Variants in MAP3K13 observed in about 807,000 individuals in gnomAD.
MAP3K13 encodes the protein leucine zipper-bearing kinase.
In MAP3K13, 52 loss-of-function variants were observed where a neutral mutation model predicts 104.0. The ratio of observed to expected loss-of-function variants is 0.50; its 90% confidence interval spans 0.40 to 0.63. The LOEUF (loss-of-function observed/expected upper bound fraction) is 0.63. Among genes scored for constraint, MAP3K13 ranks in the 20% least tolerant of loss-of-function variants. The pLI is 0.00. For missense variants in MAP3K13, 914 were observed against 1,218.5 expected (o/e 0.75, Z 3.72); for synonymous variants, 394 against 442.2 (o/e 0.89, Z 1.37).
At chr3:185,394,724 T>TA (rs1334686187) in intron 1 of MAP3K13, among the ~76,000 whole-genome samples, 1 of 152,224 alleles carries the variant, frequency 6.6e-6, no homozygotes, top group Non-Finnish European at 1.5e-5. Flanking sequence ...TTTCTTAATT[T>TA]ATCATGTTTC....
chr3:185,463,737 C>A, intron 8 of MAP3K13, 78 bp downstream of exon 8: 2 of 807,410 alleles, frequency 2.5e-6, no homozygotes, highest in South Asian at 1.5e-5. Context: ...TCATAACCAC[C>A]ATTTCACTTT....
chr3:185,461,636 C>T (rs898045779), intron 7 of MAP3K13, among the ~76,000 whole-genome samples: 5 of 152,042 alleles, frequency 3.3e-5, no homozygotes, highest in African/African-American at 9.7e-5. Context: ...GATCTTGGCT[C>T]GCTGCAAGCT....
At chr3:185,466,021 T>C (rs972732948) in intron 9 of MAP3K13, among the ~76,000 whole-genome samples, 158 bp downstream of exon 9, 1 of 152,250 alleles carries the variant, frequency 6.6e-6, no homozygotes. Flanking sequence ...TCCCTGCCCC[T>C]GGCGAGGTAT....
chr3:185,308,041 C>CTTTTTTT (rs1455146477), intron 2 of MAP3K13, among the ~76,000 whole-genome samples: 7 of 101,014 alleles, frequency 6.9e-5, no homozygotes, highest in African/African-American at 1.2e-4. Flanking sequence ...TTGAGACTTA[C>CTTTTTTT]TTTGTTCCCT....
intron 1 of MAP3K13, among the ~76,000 whole-genome samples, chr3:185,379,389 G>T (rs1724595390): frequency 6.6e-6 from 1 of 152,198 alleles, no homozygotes; most frequent in Admixed American, 6.5e-5. Context: ...ATGGCTCCAA[G>T]ATTGAAAGGA....
chr3:185,392,163 T>C (rs527265245), intron 1 of MAP3K13, among the ~76,000 whole-genome samples: 1 of 152,340 alleles, frequency 6.6e-6, no homozygotes, highest in East Asian at 1.9e-4. Flanking sequence ...TATGGCCTAA[T>C]GAGTTCAAGG....
At chr3:185,353,379 A>G (rs961958378) in intron 2 of MAP3K13, among the ~76,000 whole-genome samples, 2 of 152,230 alleles carry the variant, frequency 1.3e-5, no homozygotes, top group Non-Finnish European at 2.9e-5. Flanking sequence ...CGAGGGGCAG[A>G]AACAGCTGGG....
chr3:185,463,916 C>T (rs969770514), intron 8 of MAP3K13, among the ~76,000 whole-genome samples: 3 of 152,162 alleles, frequency 2.0e-5, no homozygotes, highest in Non-Finnish European at 4.4e-5. Flanking sequence ...ATCATTCAGC[C>T]AGTGTCCTAG....
At chr3:185,344,982 C>A (rs1417923125) in intron 2 of MAP3K13, among the ~76,000 whole-genome samples, 1 of 151,950 alleles carries the variant, frequency 6.6e-6, no homozygotes, top group Admixed American at 6.6e-5. Context: ...CCTGCCTCAG[C>A]CTCCCAAGTA....
intron 7 of MAP3K13, among the ~76,000 whole-genome samples, chr3:185,455,201 T>TGA (rs1410409916): frequency 4.2e-4 from 22 of 52,080 alleles, no homozygotes; most frequent in East Asian, 1.1e-3. Flanking sequence ...GATATATATA[T>TGA]GATATATATG....
upstream of MAP3K13, among the ~76,000 whole-genome samples, chr3:185,360,823 T>A (rs1339536186): frequency 2.9e-5 from 1 of 34,400 alleles, no homozygotes; most frequent in Non-Finnish European, 1.1e-4. Context: ...TTTAGCTTTT[T>A]TTTTTTTTTT....
At chr3:185,475,093 CA>C (rs972600527) in intron 11 of MAP3K13, among the ~76,000 whole-genome samples, 1,478 of 41,868 alleles carry the variant, frequency 0.035, 12 homozygotes, top group African/African-American at 0.092. Flanking sequence ...GACCCCATCT[CA>C]AAAAAAAAAA....
chr3:185,355,967 T>C (rs906083951), intron 2 of MAP3K13, among the ~76,000 whole-genome samples: 1 of 152,212 alleles, frequency 6.6e-6, no homozygotes, highest in Admixed American at 6.5e-5. Context: ...GTCATTTAAG[T>C]GAACATTTAA....
chr3:185,353,150 C>A (rs1045399509), intron 2 of MAP3K13, among the ~76,000 whole-genome samples: 1 of 152,150 alleles, frequency 6.6e-6, no homozygotes, highest in African/African-American at 2.4e-5. Flanking sequence ...CCCCTCTGTC[C>A]CCTTCATCAG....
chr3:185,381,954 T>C (rs1724742552), intron 1 of MAP3K13, among the ~76,000 whole-genome samples: 1 of 152,232 alleles, frequency 6.6e-6, no homozygotes, highest in Non-Finnish European at 1.5e-5. Flanking sequence ...TTATAGAATG[T>C]AGCTATTATG....
At chr3:185,381,254 G>A (rs1052533608) in intron 1 of MAP3K13, among the ~76,000 whole-genome samples, 9 of 152,094 alleles carry the variant, frequency 5.9e-5, no homozygotes, top group African/African-American at 1.7e-4. Context: ...GAGCCACGGC[G>A]TCCAGCCAAG....
In MAP3K13 at chr3:185,352,416, C is replaced by G. The variant is rs186286816; in HGVS notation, c.-86+66773C>G. Among the ~76,000 whole-genome samples, 830 of 151,762 alleles carry G rather than the reference C, an allele frequency of 5.5e-3. 6 individuals carry two copies. Among genetic ancestry groups the G allele is most frequent in the African/African-American group, 0.018 (749 of 41,388 alleles). ...CCAAGATCGTGCCATTGCACTCCAC[C>G]CTGGGCAACAAGAGCAAAACTCTGT... On this transcript the variant is annotated intron_variant, in intron 2 of 14. Coordinates refer to the MAP3K13 transcript ENST00000424227.
intron 1 of MAP3K13, among the ~76,000 whole-genome samples, chr3:185,419,722 G>A (rs1714011640): frequency 6.6e-6 from 1 of 152,004 alleles, no homozygotes; most frequent in Non-Finnish European, 1.5e-5. Context: ...GTCAGAAAAT[G>A]TTGAATATTA....
intron 1 of MAP3K13, among the ~76,000 whole-genome samples, chr3:185,407,620 G>A (rs144191124): frequency 6.6e-6 from 1 of 152,228 alleles, no homozygotes; most frequent in African/African-American, 2.4e-5. Context: ...TCAGGACAGC[G>A]TGGGGACTTT....
Sources: allele counts gnomAD v4.1 joint callset (sites outside exome capture counted in the v4.1 genomes callset), GRCh38; gene constraint gnomAD v4.1.1; transcripts MANE v1.5; gene names NCBI Gene and HGNC (gene_info 2026-07-23, HGNC 2026-07-21).